CAST: variants seen among roughly 807,000 people sequenced by gnomAD.
CAST encodes the protein calpastatin.
Under a neutral mutation model 119.6 loss-of-function variants are expected in CAST, and 76 were observed. The observed-to-expected ratio is 0.64, with a 90% CI of 0.53 to 0.77. CAST has a LOEUF of 0.77. Among genes scored for constraint, CAST ranks in the 30% least tolerant of loss-of-function variants. The pLI, the probability that CAST is intolerant of heterozygous loss-of-function variation, is 0.00. For synonymous variants in CAST, 319 were observed against 331.6 expected, an observed-to-expected ratio of 0.96 and a Z score of 0.41; for missense variants, 953 against 946.5, an observed-to-expected ratio of 1.01 and a Z score of -0.09.
the CAST span, among the ~76,000 whole-genome samples, chr5:96,384,725 G>A: frequency 6.6e-6 from 1 of 152,188 alleles, no homozygotes; most frequent in Non-Finnish European, 1.5e-5. Context: ...GATGTAGTTG[G>A]CTAGGAGATA....
intron 1 of CAST, among the ~76,000 whole-genome samples, chr5:96,608,477 GAAAGTTGTCAAAATT>G (rs1481239936): frequency 6.6e-6 from 1 of 151,914 alleles, no homozygotes; most frequent in Non-Finnish European, 1.5e-5. Flanking sequence ...ATGACTTTGT[GAAAGTTGTCAAAATT>G]AAAATTGAAT....
the CAST span, among the ~76,000 whole-genome samples, chr5:96,356,120 C>T: frequency 3.3e-5 from 5 of 152,124 alleles, no homozygotes; most frequent in Non-Finnish European, 7.4e-5. Flanking sequence ...TGTTTGTTGG[C>T]CACATAATTG....
At chr5:96,033,513 AT>A in the CAST span, among the ~76,000 whole-genome samples, 2 of 152,146 alleles carry the variant, frequency 1.3e-5, no homozygotes, top group African/African-American at 4.8e-5. Context: ...ACAGACAATG[AT>A]TTCCAACAAA....
chr5:96,451,536 A>G, the CAST span, among the ~76,000 whole-genome samples: 1 of 152,268 alleles, frequency 6.6e-6, no homozygotes, highest in Admixed American at 6.5e-5. Context: ...AAACCATAAA[A>G]ACCCTAGAAG....
At chr5:96,354,543 G>A in the CAST span, among the ~76,000 whole-genome samples, 3 of 151,318 alleles carry the variant, frequency 2.0e-5, no homozygotes, top group Non-Finnish European at 4.4e-5. Context: ...TTATGGAGAT[G>A]TTGAAATGTA....
At chr5:96,297,240 G>A in the CAST span, among the ~76,000 whole-genome samples, 350 of 152,314 alleles carry the variant, frequency 2.3e-3, no homozygotes, top group Non-Finnish European at 3.6e-3. Flanking sequence ...CTGAGTGGTT[G>A]TCCTTTCCAG....
At chr5:96,655,926 T>C (rs1478700848) in intron 1 of CAST, among the ~76,000 whole-genome samples, 2 of 152,238 alleles carry the variant, frequency 1.3e-5, no homozygotes, top group Non-Finnish European at 1.5e-5. Context: ...ATTATCTTCA[T>C]GTGTCTCAGA....
At chr5:96,311,862 T>G in the CAST span, among the ~76,000 whole-genome samples, 1 of 152,078 alleles carries the variant, frequency 6.6e-6, no homozygotes, top group African/African-American at 2.4e-5. Context: ...GTTTATCCAT[T>G]TATTCACTCT....
the CAST span, among the ~76,000 whole-genome samples, chr5:96,043,259 TA>T: frequency 6.6e-6 from 1 of 152,184 alleles, no homozygotes; most frequent in South Asian, 2.1e-4. Context: ...TGCCGACCAG[TA>T]AGTTGAATAA....
At chr5:96,382,044 GAGTGAAAAA>G in the CAST span, among the ~76,000 whole-genome samples, 6 of 152,174 alleles carry the variant, frequency 3.9e-5, no homozygotes, top group Admixed American at 6.5e-5. Flanking sequence ...AAAAACAGAA[GAGTGAAAAA>G]GGTGTATGAG....
chr5:96,037,693 C>A, the CAST span, among the ~76,000 whole-genome samples: 1 of 152,234 alleles, frequency 6.6e-6, no homozygotes, highest in Non-Finnish European at 1.5e-5. Flanking sequence ...AAAACCCCAA[C>A]ATTTAGTGGC....
the CAST span, among the ~76,000 whole-genome samples, chr5:96,302,044 C>T: frequency 4.6e-5 from 7 of 152,200 alleles, no homozygotes; most frequent in African/African-American, 7.2e-5. Flanking sequence ...CCTGGACATC[C>T]GGACATTTCC....
At chr5:96,175,243 G>C in the CAST span, among the ~76,000 whole-genome samples, 3 of 152,194 alleles carry the variant, frequency 2.0e-5, no homozygotes, top group East Asian at 1.9e-4. Context: ...CAGTTGGCCG[G>C]TTAGTACATG....
the CAST span, among the ~76,000 whole-genome samples, chr5:96,353,867 TTATC>T: frequency 6.6e-6 from 1 of 152,174 alleles, no homozygotes; most frequent in Non-Finnish European, 1.5e-5. Flanking sequence ...AAATCCCCCC[TTATC>T]TATCTATCTG....
chr5:95,984,466 TG>T, the CAST span, among the ~76,000 whole-genome samples: 6 of 151,738 alleles, frequency 4.0e-5, no homozygotes, highest in Non-Finnish European at 8.8e-5. Flanking sequence ...TAAAATTCAA[TG>T]GGAATGACTC....
chr5:96,625,399 G>A (rs1325673137), intron 1 of CAST, among the ~76,000 whole-genome samples: 1 of 152,028 alleles, frequency 6.6e-6, no homozygotes, highest in African/African-American at 2.4e-5. Flanking sequence ...ATGTTTTCTT[G>A]TAATGTTTTC....
At chr5:96,339,867 G>C in the CAST span, among the ~76,000 whole-genome samples, 1 of 152,114 alleles carries the variant, frequency 6.6e-6, no homozygotes, top group Non-Finnish European at 1.5e-5. Context: ...TATCTCCCCA[G>C]GGTGGCCCTC....
the CAST span, among the ~76,000 whole-genome samples, chr5:96,453,101 G>A: frequency 1.3e-5 from 2 of 152,102 alleles, no homozygotes; most frequent in South Asian, 2.1e-4. Flanking sequence ...TTTCAGTTAA[G>A]GAAGAAGGCA....
intron 16 of CAST, 83 bp from the exon 17 acceptor site, chr5:96,746,259 C>A: frequency 1.2e-6 from 1 of 821,504 alleles, no homozygotes; most frequent in Non-Finnish European, 2.2e-6. Flanking sequence ...CTCTATAACA[C>A]TCGAGAAGTA....
Sources: gnomAD v4.1 joint callset for allele counts (sites outside exome capture counted in the v4.1 genomes callset) on GRCh38, gnomAD v4.1.1 for gene constraint, MANE v1.5 for transcripts, NCBI Gene and HGNC (gene_info 2026-07-23, HGNC 2026-07-21) for gene names.